Variants in MMS22L observed in about 807,000 individuals in gnomAD.
MMS22L encodes protein MMS22-like.
A neutral mutation model predicts 159.1 loss-of-function variants in MMS22L; 74 were observed. The ratio of observed to expected loss-of-function variants is 0.47; its 90% CI spans 0.39 to 0.56. The LOEUF is 0.56. Among genes scored for constraint, MMS22L ranks in the 20% least tolerant of loss-of-function variants. The pLI, the probability that MMS22L is intolerant of heterozygous loss-of-function variation, is 0.00. For synonymous variants in MMS22L, 517 were observed against 506.9 expected (o/e 1.02, Z -0.27); for missense variants, 1,351 against 1,422.1 (o/e 0.95, Z 0.80).
intron 4 of MMS22L, among the ~76,000 whole-genome samples, chr6:97,274,546 C>T (rs1036080350): frequency 3.3e-5 from 5 of 152,150 alleles, no homozygotes; most frequent in African/African-American, 1.2e-4. Context: ...ATTGCTCTCC[C>T]AGAGAGAAAC....
intron 22 of MMS22L, among the ~76,000 whole-genome samples, chr6:97,159,835 A>T (rs1802233751): frequency 6.6e-6 from 1 of 151,974 alleles, no homozygotes; most frequent in Non-Finnish European, 1.5e-5. Context: ...CCTCATAATA[A>T]ATATGCAAAT....
intron 20 of MMS22L, among the ~76,000 whole-genome samples, chr6:97,166,359 T>C (rs1183891320): frequency 1.3e-5 from 2 of 152,164 alleles, no homozygotes; most frequent in Non-Finnish European, 2.9e-5. Context: ...CACAACGTAT[T>C]TTCCAAGAGA....
rs1438145073 is a variant in MMS22L, at chr6:97,272,811, G to A, written c.499C>T (p.Pro167Ser). Residue 167 changes from proline (P) to serine (S), a missense_variant, in exon 6 of 25, where the codon CCC becomes TCC. Pro to Ser is a moderately conservative substitution (Grantham distance 74). Transcript: ENST00000683635. ...HPYEALEAQL[P>S]SVLIDELHGL... ...TGAAGCTCATCAATCAACACTGAGG[G>A]AAGCTGAGCCTCCAAAGCCTCATAA... 1 of 1,613,980 alleles carries A rather than the reference G, an allele frequency of 6.2e-7. No homozygotes were observed. Among genetic ancestry groups the A allele is most frequent in the Non-Finnish European group, 8.5e-7 (1 of 1,179,928 alleles).
At position 97,246,654 on chromosome 6, in the gene MMS22L, GTTC is replaced by G; in HGVS notation, c.1153_1155del (p.Glu385del). ...TGAACACTGATGGACTTTTTCAGCA[GTTC>G]TTCTACAAAGTTCCAATTTGATTCC... On this transcript the variant is annotated inframe_deletion, in exon 11 of 25. Transcript: ENST00000683635. The G allele has an allele frequency of 1.2e-6, 2 of 1,611,390 alleles. No homozygotes were observed. The highest frequency in any genetic ancestry group is 2.2e-5 in the East Asian group (1 of 44,632).
At chr6:97,173,562 C>CCT (rs1803785483) in intron 18 of MMS22L, among the ~76,000 whole-genome samples, 1 of 152,240 alleles carries the variant, frequency 6.6e-6, no homozygotes, top group East Asian at 1.9e-4. Flanking sequence ...GACTTCCAGA[C>CCT]AGGTTGGCTC....
intron 14 of MMS22L, among the ~76,000 whole-genome samples, chr6:97,222,474 C>T (rs778744402): frequency 6.6e-6 from 1 of 152,072 alleles, no homozygotes; most frequent in Non-Finnish European, 1.5e-5. Context: ...AAGTTCTCAA[C>T]TGCCTTTAGA....
At position 97,150,028 on chromosome 6, in the gene MMS22L, TAA is replaced by T. The variant is rs774912549; in HGVS notation, c.3483-10_3483-9del. The stretch of plus-strand genomic sequence containing the variant: ...TAATCCTGGATAAACTGCCTGAAAG[TAA>T]AACAGGTTTATTTAGGATTACTCCT... On this transcript the variant is annotated splice_polypyrimidine_tract_variant and intron_variant, in intron 23 of 24. Coordinates refer to ENST00000683635, the MANE Select transcript of MMS22L (RefSeq NM_001350599.2). The T allele has an allele frequency of 1.2e-6, 2 of 1,612,130 alleles. No homozygotes were observed. The highest frequency in any genetic ancestry group is 4.5e-5 in the East Asian group (2 of 44,826).
intron 24 of MMS22L, among the ~76,000 whole-genome samples, chr6:97,149,091 G>A (rs973608626): frequency 6.6e-6 from 1 of 152,154 alleles, no homozygotes; most frequent in Non-Finnish European, 1.5e-5. Context: ...GCCTAGGTGT[G>A]TGGTATAGGC....
At chr6:97,181,684 A>AT (rs1305750461) in intron 16 of MMS22L, among the ~76,000 whole-genome samples, 3 of 152,174 alleles carry the variant, frequency 2.0e-5, no homozygotes, top group African/African-American at 7.2e-5. Flanking sequence ...GAAAGGGCTT[A>AT]ACAAACAACT....
intron 23 of MMS22L, among the ~76,000 whole-genome samples, chr6:97,151,024 G>A (rs371317014): frequency 6.6e-5 from 10 of 152,228 alleles, no homozygotes; most frequent in East Asian, 3.9e-4. Flanking sequence ...GCTTTCTGAA[G>A]CTACAGTTAG....
Position 97,162,153 on chromosome 6 carries a change from A to G in MMS22L, c.3234T>C (p.Leu1078=). 6.3e-7 allele frequency: 1 copy of G among 1,592,170 alleles called. No individual in the cohort carries two copies. Among genetic ancestry groups the G allele is most frequent in the Non-Finnish European group, 8.5e-7 (1 of 1,173,822 alleles). The stretch of plus-strand genomic sequence containing the variant: ...GAGGAGGTGAGGACCCCTTATACTC[A>G]AGGTAGGATTTCCTGAAAAGAAGCA... ...CIVQVIRKSY[L]EYKGSSPPPR... Residue 1078 remains leucine, a synonymous_variant, in exon 22 of 25, where the codon CTT becomes CTC. Transcript: ENST00000683635.
At chr6:97,270,364 T>A (rs1019576506) in intron 6 of MMS22L, 14 of 448,622 alleles carry the variant, frequency 3.1e-5, no homozygotes, top group Admixed American at 7.4e-5. Flanking sequence ...TTTTTTAATG[T>A]ATGAGTACCC....
At chr6:97,234,695 A>C (rs987294215) in intron 11 of MMS22L, among the ~76,000 whole-genome samples, 3 of 152,200 alleles carry the variant, frequency 2.0e-5, no homozygotes, top group Non-Finnish European at 2.9e-5. Flanking sequence ...CACTAAAACA[A>C]GATAAATTTG....
chr6:97,256,514 G>A (rs536189844), intron 9 of MMS22L, among the ~76,000 whole-genome samples: 8 of 152,194 alleles, frequency 5.3e-5, no homozygotes, highest in Admixed American at 4.6e-4. Context: ...AATGAAAATA[G>A]CTTTATTTTA....
At chr6:97,206,382 T>TACACACACACACAC (rs58135635) in intron 14 of MMS22L, among the ~76,000 whole-genome samples, 3 of 146,738 alleles carry the variant, frequency 2.0e-5, no homozygotes, top group Admixed American at 6.8e-5. Context: ...ACCTCGCATG[T>TACACACACACACAC]ACACACACAC....
chr6:97,171,685 C>G (rs1458767343), intron 19 of MMS22L, among the ~76,000 whole-genome samples: 3 of 152,094 alleles, frequency 2.0e-5, no homozygotes, highest in Non-Finnish European at 4.4e-5. Context: ...AGTCTTGCAA[C>G]CTTGTAAGTG....
At chr6:97,261,672 C>G (rs1814499085) in intron 9 of MMS22L, 1 of 152,122 alleles carries the variant, frequency 6.6e-6, no homozygotes, top group Admixed American at 6.5e-5. Flanking sequence ...GTCAGCATCC[C>G]TAACTCCCAC....
chr6:97,167,634 G>A (rs1414281101), intron 20 of MMS22L, among the ~76,000 whole-genome samples: 1 of 151,994 alleles, frequency 6.6e-6, no homozygotes, highest in East Asian at 1.9e-4. Flanking sequence ...CCTCCCATAT[G>A]ACTCTCCAGC....
At chr6:97,230,786 A>G (rs1810775515) in intron 13 of MMS22L, 1 of 152,244 alleles carries the variant, frequency 6.6e-6, no homozygotes, top group Non-Finnish European at 1.5e-5. Context: ...TGAAATATCC[A>G]AACCATATCA....
Sources: allele counts gnomAD v4.1 joint callset (sites outside exome capture counted in the v4.1 genomes callset), GRCh38; gene constraint gnomAD v4.1.1; transcripts MANE v1.5; gene names NCBI Gene and HGNC (gene_info 2026-07-23, HGNC 2026-07-21).